The following SLC24A2 variants were observed in gnomAD, a reference collection of about 807,000 sequenced individuals.
SLC24A2 encodes the protein sodium/potassium/calcium exchanger 2.
In SLC24A2, 36 loss-of-function variants were observed where a neutral mutation model predicts 62.0. That is an observed-to-expected ratio of 0.58 (90% CI 0.44 to 0.77). The LOEUF (loss-of-function observed/expected upper bound fraction) is 0.77. SLC24A2 is among the 30% of genes least tolerant of loss of function. The pLI is 0.00. For synonymous variants in SLC24A2, 358 were observed against 294.0 expected, an observed-to-expected ratio of 1.22 and a Z score of -2.23; for missense variants, 846 against 817.9, an observed-to-expected ratio of 1.03 and a Z score of -0.42.
At chr9:19,690,764 G>C (rs1820020207) in intron 2 of SLC24A2, among the ~76,000 whole-genome samples, 1 of 151,990 alleles carries the variant, frequency 6.6e-6, no homozygotes, top group Non-Finnish European at 1.5e-5. Context: ...TATTCAGTCT[G>C]GTTCCAAATC....
In SLC24A2 at chr9:19,509,028, C is replaced by T. The variant is rs1832612196; in HGVS notation, c.*7125G>A. 1 of 152,078 alleles carries T rather than the reference C, an allele frequency of 6.6e-6. No homozygotes were observed. Among genetic ancestry groups the T allele is most frequent in the Non-Finnish European group, 1.5e-5 (1 of 68,008 alleles). 9.4% of individuals were successfully genotyped at this position (152,078 alleles called of 1,614,324 possible). ...TAAGGAATTATTGATAAATTGTATA[C>T]CTCTATTTCCCATTTTTATAAGGGA... is the stretch of plus-strand genomic sequence containing the variant. On this transcript the variant is annotated 3_prime_UTR_variant, in exon 11 of 11. Transcript: ENST00000341998.
chr9:19,907,145 A>G, the SLC24A2 span, among the ~76,000 whole-genome samples: 1 of 152,240 alleles, frequency 6.6e-6, no homozygotes, highest in Non-Finnish European at 1.5e-5. Context: ...AGTGGGCTTC[A>G]TCCCTGGGAT....
the SLC24A2 span, among the ~76,000 whole-genome samples, chr9:20,206,172 T>C: frequency 1.6e-4 from 24 of 152,344 alleles, no homozygotes; most frequent in African/African-American, 5.5e-4. Flanking sequence ...AACTACCACT[T>C]GTCAAGTTTT....
At chr9:20,130,627 A>T in the SLC24A2 span, among the ~76,000 whole-genome samples, 2 of 152,184 alleles carry the variant, frequency 1.3e-5, no homozygotes, top group Non-Finnish European at 2.9e-5. Context: ...AATGAATCAG[A>T]GCCTGTAAGG....
the SLC24A2 span, among the ~76,000 whole-genome samples, chr9:20,015,328 C>A: frequency 1.3e-5 from 2 of 152,134 alleles, no homozygotes; most frequent in Non-Finnish European, 2.9e-5. Context: ...AGATGGGTAG[C>A]CTTGTAGATG....
the SLC24A2 span, among the ~76,000 whole-genome samples, chr9:20,017,771 A>G: frequency 6.6e-6 from 1 of 152,194 alleles, no homozygotes; most frequent in Non-Finnish European, 1.5e-5. Flanking sequence ...AGAAAGATGG[A>G]GGCCAGAAGA....
chr9:20,282,502 C>A, the SLC24A2 span, among the ~76,000 whole-genome samples: 10 of 152,156 alleles, frequency 6.6e-5, no homozygotes, highest in African/African-American at 2.4e-4. Flanking sequence ...AATCTGAAAT[C>A]CAAGAGATTA....
intron 2 of SLC24A2, among the ~76,000 whole-genome samples, chr9:19,660,406 C>A (rs1225394300): frequency 6.6e-6 from 1 of 152,072 alleles, no homozygotes; most frequent in Admixed American, 6.6e-5. Context: ...TTCAGGGCAC[C>A]AATGAAAACA....
chr9:19,905,468 G>T, the SLC24A2 span, among the ~76,000 whole-genome samples: 1 of 150,930 alleles, frequency 6.6e-6, no homozygotes, highest in Non-Finnish European at 1.5e-5. Context: ...GAGTGCAATG[G>T]TGTGATCTAG....
chr9:19,697,809 C>T (rs1034142401), intron 2 of SLC24A2, among the ~76,000 whole-genome samples: 28 of 152,162 alleles, frequency 1.8e-4, no homozygotes, highest in African/African-American at 5.8e-4. Flanking sequence ...AAATTAGTTT[C>T]GGAAACTGAA....
At chr9:20,273,179 G>A in the SLC24A2 span, among the ~76,000 whole-genome samples, 1 of 152,160 alleles carries the variant, frequency 6.6e-6, no homozygotes, top group Non-Finnish European at 1.5e-5. Flanking sequence ...ATGGCTTCCT[G>A]GAAATTGAGA....
chr9:20,036,138 A>G, the SLC24A2 span, among the ~76,000 whole-genome samples: 1 of 152,152 alleles, frequency 6.6e-6, no homozygotes, highest in Non-Finnish European at 1.5e-5. Context: ...TCTCCATACT[A>G]CCTCCCAAGC....
At chr9:20,060,388 T>C in the SLC24A2 span, among the ~76,000 whole-genome samples, 1 of 151,582 alleles carries the variant, frequency 6.6e-6, no homozygotes, top group Non-Finnish European at 1.5e-5. Flanking sequence ...TAAACATAGA[T>C]GCAAAAATCC....
At chr9:20,258,826 T>G in the SLC24A2 span, among the ~76,000 whole-genome samples, 1 of 145,822 alleles carries the variant, frequency 6.9e-6, no homozygotes, top group Non-Finnish European at 1.5e-5. Flanking sequence ...CTTATCTATC[T>G]ATCTATCTGT....
chr9:19,952,140 T>C, the SLC24A2 span, among the ~76,000 whole-genome samples: 1 of 152,108 alleles, frequency 6.6e-6, no homozygotes, highest in African/African-American at 2.4e-5. Context: ...TGATGGTATA[T>C]AGAAACAATT....
chr9:19,990,129 C>T, the SLC24A2 span, among the ~76,000 whole-genome samples: 3 of 152,138 alleles, frequency 2.0e-5, no homozygotes, highest in African/African-American at 7.2e-5. Context: ...CCTGCATTAT[C>T]TCATTTAATC....
chr9:19,750,887 T>C (rs1821963362), intron 2 of SLC24A2, among the ~76,000 whole-genome samples: 1 of 152,154 alleles, frequency 6.6e-6, no homozygotes, highest in South Asian at 2.1e-4. Flanking sequence ...TGGAATGTCC[T>C]CTGCCTACTC....
chr9:20,140,298 T>A, the SLC24A2 span, among the ~76,000 whole-genome samples: 6,724 of 152,216 alleles, frequency 0.044, 465 homozygotes, highest in African/African-American at 0.15. Flanking sequence ...GTGGAATGCA[T>A]TTTTGTTCAA....
At chr9:20,181,366 T>TTACA in the SLC24A2 span, among the ~76,000 whole-genome samples, 9 of 152,170 alleles carry the variant, frequency 5.9e-5, 1 homozygote, top group South Asian at 1.9e-3. Flanking sequence ...TAAAGAAGCG[T>TTACA]GGTAGATGAC....
Sources: gnomAD v4.1 joint callset for allele counts (sites outside exome capture counted in the v4.1 genomes callset) on GRCh38, gnomAD v4.1.1 for gene constraint, MANE v1.5 for transcripts, NCBI Gene and HGNC (gene_info 2026-07-23, HGNC 2026-07-21) for gene names.